NCKAP1: variants seen among roughly 807,000 people sequenced by gnomAD.
NCKAP1 encodes NCK associated protein 1.
NCKAP1 carries 21 observed loss-of-function variants against 151.2 expected under a neutral mutation model. The ratio of observed to expected loss-of-function variants is 0.14; its 90% CI spans 0.10 to 0.20. The LOEUF is 0.20. Ranked by LOEUF, NCKAP1 falls within the 10% of genes least tolerant of loss-of-function variation. NCKAP1 has a pLI of 1.00. For missense variants in NCKAP1, 933 were observed against 1,352.1 expected (o/e 0.69, Z 4.86); for synonymous variants, 484 against 451.8 (o/e 1.07, Z -0.90).
chr2:183,032,567 C>G (rs1699024378), intron 1 of NCKAP1, among the ~76,000 whole-genome samples: 2 of 152,036 alleles, frequency 1.3e-5, no homozygotes, highest in South Asian at 4.1e-4. Flanking sequence ...CTAAATGTAT[C>G]TAAACATAAA....
intron 1 of NCKAP1, among the ~76,000 whole-genome samples, chr2:183,032,405 T>G (rs1699021356): frequency 6.6e-6 from 1 of 152,194 alleles, no homozygotes; most frequent in Non-Finnish European, 1.5e-5. Context: ...TTCATCATTG[T>G]GTGAACATCA....
chr2:183,028,585 G>A (rs1346000090), intron 1 of NCKAP1, among the ~76,000 whole-genome samples: 1 of 152,072 alleles, frequency 6.6e-6, no homozygotes. Context: ...TAGGCAAGTT[G>A]CCTAACCTCT....
intron 17 of NCKAP1, among the ~76,000 whole-genome samples, chr2:182,964,380 T>C (rs1010987550): frequency 2.0e-5 from 3 of 152,204 alleles, no homozygotes; most frequent in African/African-American, 4.8e-5. Context: ...AAATTAAGTA[T>C]ACAAAATCAA....
intron 23 of NCKAP1, among the ~76,000 whole-genome samples, chr2:182,947,740 A>G (rs1697135947): frequency 6.7e-6 from 1 of 149,672 alleles, no homozygotes; most frequent in African/African-American, 2.5e-5. Context: ...AGGAAATTTT[A>G]TAGGACGCTA....
chr2:182,928,964 C>A, intron 27 of NCKAP1, 65 bp from the exon 28 acceptor site: 3 of 991,102 alleles, frequency 3.0e-6, no homozygotes, highest in Non-Finnish European at 4.5e-6. Flanking sequence ...ATTTGATAAT[C>A]TAAACTAAAC....
chr2:183,023,024 G>C (rs1269382305), intron 2 of NCKAP1: 1 of 152,102 alleles, frequency 6.6e-6, no homozygotes, highest in Non-Finnish European at 1.5e-5. Flanking sequence ...TCATATGTGA[G>C]AGGAAATTTC....
At chr2:182,956,759 A>C in intron 19 of NCKAP1, 166 bp from the exon 20 acceptor site, 1 of 604,234 alleles carries the variant, frequency 1.7e-6, no homozygotes, top group Non-Finnish European at 2.7e-6. Context: ...TAACTAACAC[A>C]TAAGAGCAAT....
intron 21 of NCKAP1, 64 bp from the exon 22 acceptor site, chr2:182,952,987 C>T: frequency 6.6e-7 from 1 of 1,520,556 alleles, no homozygotes; most frequent in African/African-American, 1.4e-5. Flanking sequence ...TCATGATATA[C>T]ATTCCTGCAT....
At chr2:183,015,114 T>C (rs1698659176) in intron 2 of NCKAP1, among the ~76,000 whole-genome samples, 1 of 152,138 alleles carries the variant, frequency 6.6e-6, no homozygotes, top group Non-Finnish European at 1.5e-5. Flanking sequence ...TCTCTTTGAG[T>C]TGAAGAGGTT....
chr2:182,926,846 A>T lies in NCKAP1; in HGVS notation c.3240T>A (p.Asn1080Lys). ...CTAGCAGTAAATAAACAGATTCTCT[A>T]TTTCTTGTTGTAGTTTTATCTGTCT... is the stretch of plus-strand genomic sequence containing the variant. ...GQETDKTTTR[N>K]RESVYLLLDM... The change falls in exon 30 of 31, where the codon AAT (asparagine) becomes AAA (lysine). Residue 1080 changes from asparagine (N) to lysine (K), a missense_variant. By Grantham distance (94) the Asn-to-Lys change is moderately conservative. Around this residue, in one of 2 missense-constraint regions of NCKAP1, gnomAD observed 326 missense variants for 557.1 expected, o/e 0.59. Coordinates refer to ENST00000361354, the MANE Select transcript of NCKAP1 (RefSeq NM_013436.5). 1 of 1,604,556 alleles carries T rather than the reference A, an allele frequency of 6.2e-7. No individual in the cohort carries two copies. Among genetic ancestry groups the T allele is most frequent in the Non-Finnish European group, 8.5e-7 (1 of 1,173,962 alleles).
chr2:183,028,205 G>C (rs1356234392), intron 1 of NCKAP1, among the ~76,000 whole-genome samples: 1 of 151,508 alleles, frequency 6.6e-6, no homozygotes, highest in Non-Finnish European at 1.5e-5. Flanking sequence ...AACTTTTTCA[G>C]AGAATTGACT....
intron 1 of NCKAP1, among the ~76,000 whole-genome samples, chr2:183,033,355 C>T (rs916082617): frequency 6.6e-6 from 1 of 152,218 alleles, no homozygotes; most frequent in Non-Finnish European, 1.5e-5. Context: ...TCACTGGCTG[C>T]CTGAAGTTTC....
At chr2:183,019,017 T>C (rs1278927371) in intron 2 of NCKAP1, among the ~76,000 whole-genome samples, 1 of 152,152 alleles carries the variant, frequency 6.6e-6, no homozygotes, top group Admixed American at 6.5e-5. Context: ...ATAAATAATA[T>C]CTATAACATA....
In NCKAP1 at chr2:182,964,930, G is replaced by T. The variant is rs543611063; in HGVS notation, c.1629-122C>A. 502 of 647,530 alleles carry T rather than the reference G, an allele frequency of 7.8e-4. 14 individuals are homozygous for T. The South Asian group carries it at 0.018, about 24-fold the overall frequency. 40.1% of individuals were successfully genotyped at this position (647,530 alleles called of 1,614,324 possible). A position where few individuals can be genotyped will look rare whatever the true frequency, so the allele number is the denominator to read the frequency against. On this transcript the variant is annotated intron_variant, in intron 16 of 30. Transcript: ENST00000361354. ...AACTGGTAGCACTGATTTAAGAAGA[G>T]AATATTTTTCCCCCAAAGTATCTTT...
intron 1 of NCKAP1, chr2:183,025,135 T>C: frequency 1.3e-6 from 1 of 764,190 alleles, no homozygotes. Flanking sequence ...GGTGCTACAA[T>C]TTTAAAGGTA....
chr2:183,002,017 T>C lies in NCKAP1; in HGVS notation c.539A>G (p.Gln180Arg). The stretch of plus-strand genomic sequence containing the variant: ...AGGGTTTTCATAATCCACAATCATC[T>C]GGCCAAGGCGTGGGTATTCTCTGTC... ...ASDREYPRLG[Q>R]MIVDYENPLK... is the part of the protein sequence containing the mutation. The change falls in exon 6 of 31, where the codon CAG becomes CGG. Residue 180 changes from glutamine (Q) to arginine (R), a missense_variant. Physicochemically the swap from Gln to Arg is conservative, Grantham distance 43. Around this residue, in one of 2 missense-constraint regions of NCKAP1, gnomAD observed 607 missense variants for 795.0 expected, o/e 0.76. Coordinates refer to ENST00000361354, the MANE Select transcript of NCKAP1 (RefSeq NM_013436.5). 6.2e-7 allele frequency: 1 copy of C among 1,613,876 alleles called. No individual in the cohort carries two copies. Among genetic ancestry groups the C allele is most frequent in the Non-Finnish European group, 8.5e-7 (1 of 1,179,846 alleles).
At chr2:182,976,838 T>C in intron 15 of NCKAP1, 55 bp downstream of exon 15, 1 of 1,161,166 alleles carries the variant, frequency 8.6e-7, no homozygotes, top group Admixed American at 2.8e-5. Flanking sequence ...TGTTATAAAA[T>C]TTTTCATGTT....
chr2:182,981,665 T>C (rs1697941534), intron 12 of NCKAP1, among the ~76,000 whole-genome samples: 1 of 151,936 alleles, frequency 6.6e-6, no homozygotes, highest in Non-Finnish European at 1.5e-5. Context: ...TTACAGCACT[T>C]TGGGAGGCCA....
rs2105858704 is a variant in NCKAP1, at chr2:182,986,233, T to G, written c.948-6A>C. 6.2e-7 allele frequency: 1 copy of G among 1,611,058 alleles called. No individual in the cohort carries two copies. The highest frequency in any genetic ancestry group is 8.5e-7 in the Non-Finnish European group (1 of 1,177,518). On this transcript the variant is annotated splice_polypyrimidine_tract_variant and splice_region_variant and intron_variant, in intron 9 of 30. Transcript: ENST00000361354. ...CATTAATACGTTTATTATAGCTAGG[T>G]GCAAAAACAAATTAGAACGTTAGTT...
Sources: gnomAD v4.1 joint callset for allele counts (sites outside exome capture counted in the v4.1 genomes callset) on GRCh38, gnomAD v4.1.1 for gene constraint, gnomAD v4.1.1 regional missense constraint, MANE v1.5 for transcripts, NCBI Gene and HGNC (gene_info 2026-07-23, HGNC 2026-07-21) for gene names.